LRPAP1: variants seen among roughly 807,000 people sequenced by gnomAD.
The protein encoded by LRPAP1 is alpha-2-macroglobulin receptor-associated protein.
In LRPAP1, 41 loss-of-function variants were observed where a neutral mutation model predicts 39.9. The observed-to-expected ratio is 1.03, with a 90% CI of 0.80 to 1.33. The LOEUF is 1.33. Among genes scored for constraint, LRPAP1 ranks in the 40% most tolerant of loss-of-function variants. The pLI is 0.00. For synonymous variants in LRPAP1, 263 were observed against 212.7 expected, an observed-to-expected ratio of 1.24 and a Z score of -2.06; for missense variants, 565 against 482.3, an observed-to-expected ratio of 1.17 and a Z score of -1.61.
At position 3,520,462 on chromosome 4, in the gene LRPAP1, C is replaced by T. The variant is rs566000456; in HGVS notation, c.350-269G>A. Among the ~76,000 whole-genome samples the T allele has an allele frequency of 1.1e-4, 17 of 152,352 alleles. 1 individual carries two copies. The South Asian group carries it at 2.7e-3, about 24-fold the overall frequency. Reference sequence around the variant, plus strand: ...TCCCTCTTTCCTACCAGGGACACGCCGGCTGGAGTCCTCCATCAAGCTGTG... The same window carrying T: ...TCCCTCTTTCCTACCAGGGACACGCTGGCTGGAGTCCTCCATCAAGCTGTG... On this transcript the variant is annotated intron_variant, in intron 2 of 7. Transcript: ENST00000650182.
At position 3,529,931 on chromosome 4, in the gene LRPAP1, G is replaced by A. The variant is rs564495558; in HGVS notation, c.204+2278C>T. Among the ~76,000 whole-genome samples the A allele has an allele frequency of 5.9e-5, 9 of 152,302 alleles. 1 individual carries two copies. The East Asian group carries it at 1.3e-3, about 23-fold the overall frequency. ...GACAAGACCGTCCTGGCTGCTGAGC[G>A]CAGGTCGCAGGAGGCTGAGAGCAGT... On this transcript the variant is annotated intron_variant, in intron 1 of 7. Coordinates refer to ENST00000650182, the MANE Select transcript of LRPAP1 (RefSeq NM_002337.4).
intron 1 of LRPAP1, 60 bp from the exon 2 acceptor site, chr4:3,525,111 A>C: frequency 6.2e-7 from 1 of 1,600,266 alleles, no homozygotes; most frequent in Non-Finnish European, 8.5e-7. Flanking sequence ...ACACAGCGAG[A>C]AACTGACCTC....
At chr4:3,513,116 C>A in intron 7 of LRPAP1, 80 bp from the exon 8 acceptor site, 2 of 1,110,968 alleles carry the variant, frequency 1.8e-6, no homozygotes, top group South Asian at 1.4e-5. Context: ...TGTCAGGAGA[C>A]GCGCGATCCA....
At chr4:3,528,169 C>T (rs1031513906) in intron 1 of LRPAP1, among the ~76,000 whole-genome samples, 11 of 152,220 alleles carry the variant, frequency 7.2e-5, no homozygotes, top group Non-Finnish European at 2.9e-5. Flanking sequence ...TAAATGTTAA[C>T]GCATCAAGTT....
chr4:3,514,678 T>G, intron 7 of LRPAP1, 74 bp downstream of exon 7: 101 of 1,513,930 alleles, frequency 6.7e-5, no homozygotes, highest in East Asian at 9.1e-5. Context: ...CAGGAAGCCC[T>G]GAGCTGCATG....
chr4:3,520,375 G>T, intron 2 of LRPAP1, 182 bp from the exon 3 acceptor site: 1 of 635,976 alleles, frequency 1.6e-6, no homozygotes. Context: ...AACAAGCGTG[G>T]GGTCTGTGGT....
In LRPAP1 at chr4:3,511,736, G is replaced by A. The variant is rs541621369; in HGVS notation, c.*1238C>T. On this transcript the variant is annotated 3_prime_UTR_variant, in exon 8 of 8. Transcript: ENST00000650182. Reference sequence around the variant, plus strand: ...AGGTTCAAACACGGGAACCACGCTCGGAGCTGGACCCGGACCCGAGCCTCT... The same window carrying A: ...AGGTTCAAACACGGGAACCACGCTCAGAGCTGGACCCGGACCCGAGCCTCT... The A allele has an allele frequency of 2.7e-5, 4 of 149,800 alleles. No individual in the cohort carries two copies. Among genetic ancestry groups the A allele is most frequent in the East Asian group, 2.0e-4 (1 of 5,128 alleles). The allele number at this position is 149,800 out of a possible 1,614,324, so 9.3% of individuals were successfully genotyped here. A position where few individuals can be genotyped will look rare whatever the true frequency, so the allele number is the denominator to read the frequency against.
intron 2 of LRPAP1, among the ~76,000 whole-genome samples, chr4:3,521,900 C>T (rs976724020): frequency 3.3e-5 from 5 of 152,170 alleles, no homozygotes; most frequent in Admixed American, 1.3e-4. Context: ...CTTTGGGAGG[C>T]CAAGGCAGGA....
Position 3,527,658 on chromosome 4 carries a change from C to G in LRPAP1, c.205-2607G>C, listed in dbSNP as rs1730121031. Among the ~76,000 whole-genome samples, 4 of 152,240 alleles carry G rather than the reference C, an allele frequency of 2.6e-5. 1 individual carries two copies. The highest frequency in any genetic ancestry group is 1.3e-4 in the Admixed American group (2 of 15,290). ...CCCATGCTCTCAAGTGTGTGCTGGCCTTGAGGGGCCCCGGGTCTGCCCTCT... is the reference window on the plus strand; with the variant it reads ...CCCATGCTCTCAAGTGTGTGCTGGCGTTGAGGGGCCCCGGGTCTGCCCTCT... On this transcript the variant is annotated intron_variant, in intron 1 of 7. Transcript: ENST00000650182.
intron 2 of LRPAP1, 76 bp from the exon 3 acceptor site, chr4:3,520,269 AC>A: frequency 6.6e-7 from 1 of 1,520,004 alleles, no homozygotes; most frequent in South Asian, 1.2e-5. Flanking sequence ...CTGGGTTGCC[AC>A]GGTGGGTGAG....
At chr4:3,529,690 T>C (rs1794428) in intron 1 of LRPAP1, among the ~76,000 whole-genome samples, 101,348 of 152,056 alleles carry the variant, frequency 0.67, 34,465 homozygotes, top group East Asian at 0.92. Flanking sequence ...AGCACCCCCC[T>C]GGCCGGGTCT....
rs761589714 is a variant in LRPAP1, at chr4:3,518,955, C to A, written c.508G>T (p.Asp170Tyr). 6.2e-7 allele frequency: 1 copy of A among 1,613,946 alleles called. No homozygotes were observed. The highest frequency in any genetic ancestry group is 8.5e-7 in the Non-Finnish European group (1 of 1,180,000). ...TGCAGGAACTCCCGCCAGAGCTTGTCCAGTTCTTCGCCGGAGAATTTCCCA... is the reference window on the plus strand; with the variant it reads ...TGCAGGAACTCCCGCCAGAGCTTGTACAGTTCTTCGCCGGAGAATTTCCCA... ...TSGKFSGEEL[D>Y]KLWREFLHHK... Residue 170 changes from aspartate (D) to tyrosine (Y), a missense_variant, in exon 4 of 8, where the codon GAC becomes TAC. Transcript: ENST00000650182.
chr4:3,525,134 C>T, intron 1 of LRPAP1, 83 bp from the exon 2 acceptor site: 1 of 1,537,448 alleles, frequency 6.5e-7, no homozygotes. Context: ...AGGAGGCTGG[C>T]CACCGGGAGG....
Position 3,504,745 on chromosome 4 carries a change from C to CA in LRPAP1, c.*8228dup, listed in dbSNP as rs71180190. Among the ~76,000 whole-genome samples, 8,600 of 87,034 alleles carry CA rather than the reference C, an allele frequency of 0.099. 443 individuals carry two copies. Among genetic ancestry groups the CA allele is most frequent in the East Asian group, 0.26 (795 of 3,102 alleles). The allele number at this position is 87,034 out of a possible 152,430, so 57.1% of individuals were successfully genotyped here. ...AGCCTGAGCAATTGAGATTCCATCT[C>CA]AAAAAAAAAAAAAAAAAAACCAAAA... On this transcript the variant is annotated 3_prime_UTR_variant, in exon 8 of 8. Coordinates refer to ENST00000650182, the MANE Select transcript of LRPAP1 (RefSeq NM_002337.4).
In LRPAP1 at chr4:3,514,806, G is replaced by T. The variant is rs1729640807; in HGVS notation, c.957C>A (p.Arg319=). The T allele has an allele frequency of 6.2e-7, 1 of 1,613,214 alleles. No individual in the cohort carries two copies. The highest frequency in any genetic ancestry group is 1.3e-5 in the African/African-American group (1 of 75,074). The change falls in exon 7 of 8, where the codon CGC becomes CGA. Residue 319 remains arginine (R), a synonymous_variant. Transcript: ENST00000650182. ...CCAGCAGGGCGTGCTTCTCGCGGCT[G>T]CGGCTCACACGCTCGCCGTCGCCCA... ...ESVGDGERVS[R]SREKHALLEG...
intron 3 of LRPAP1, 103 bp from the exon 4 acceptor site, chr4:3,519,094 G>T (rs950263678): frequency 1.3e-6 from 2 of 1,526,470 alleles, no homozygotes; most frequent in African/African-American, 1.4e-5. Flanking sequence ...CCTTGCCTAC[G>T]TGAGTGCCAG....
At chr4:3,519,304 G>T (rs773382846) in intron 3 of LRPAP1, among the ~76,000 whole-genome samples, 1 of 152,208 alleles carries the variant, frequency 6.6e-6, no homozygotes, top group Non-Finnish European at 1.5e-5. Context: ...TGGCTCTCCC[G>T]GCTGCAGGTG....
intron 5 of LRPAP1, chr4:3,517,768 C>T: frequency 2.5e-6 from 1 of 400,064 alleles, no homozygotes; most frequent in Non-Finnish European, 4.4e-6. Context: ...TGGGGAGACG[C>T]TGGGAAGGGC....
intron 1 of LRPAP1, among the ~76,000 whole-genome samples, chr4:3,531,254 TTATAA>T (rs1560263594): frequency 5.3e-5 from 8 of 152,148 alleles, no homozygotes; most frequent in Non-Finnish European, 8.8e-5. Flanking sequence ...CCACGCAGTC[TTATAA>T]CCGTCTGTCG....
Sources: gnomAD v4.1 joint callset for allele counts (sites outside exome capture counted in the v4.1 genomes callset) on GRCh38, gnomAD v4.1.1 for gene constraint, MANE v1.5 for transcripts, NCBI Gene and HGNC (gene_info 2026-07-23, HGNC 2026-07-21) for gene names.